Variants in PTPRD observed in about 807,000 individuals in gnomAD.
The protein encoded by PTPRD is protein tyrosine phosphatase receptor type D, also known as receptor-type tyrosine-protein phosphatase delta.
A neutral mutation model predicts 214.5 loss-of-function variants in PTPRD; 34 were observed. The ratio of observed to expected loss-of-function variants is 0.16; its 90% confidence interval spans 0.12 to 0.21. PTPRD has a LOEUF of 0.21. PTPRD is among the 10% of genes least tolerant of loss of function. The pLI is 1.00. For synonymous variants in PTPRD, 1,128 were observed against 845.7 expected, an observed-to-expected ratio of 1.33 and a Z score of -5.79; for missense variants, 2,545 against 2,398.7, an observed-to-expected ratio of 1.06 and a Z score of -1.27.
chr9:10,044,119 T>C (rs184081119), intron 3 of PTPRD, among the ~76,000 whole-genome samples: 6 of 151,766 alleles, frequency 4.0e-5, no homozygotes, highest in African/African-American at 7.2e-5. Flanking sequence ...ACCCTGGCCA[T>C]CTACTGTTGA....
At chr9:9,266,108 G>A (rs539143221) in intron 9 of PTPRD, among the ~76,000 whole-genome samples, 8 of 151,450 alleles carry the variant, frequency 5.3e-5, no homozygotes, top group African/African-American at 1.9e-4. Flanking sequence ...AGACAAAATA[G>A]ACTTTAAGTC....
chr9:10,445,173 G>C (rs139551433), intron 2 of PTPRD, among the ~76,000 whole-genome samples: 1 of 151,992 alleles, frequency 6.6e-6, no homozygotes, highest in East Asian at 1.9e-4. Flanking sequence ...AAAAAATCTT[G>C]CACTTACAGG....
intron 7 of PTPRD, among the ~76,000 whole-genome samples, chr9:9,665,462 A>G (rs1451453982): frequency 6.6e-6 from 1 of 151,762 alleles, no homozygotes; most frequent in Non-Finnish European, 1.5e-5. Flanking sequence ...GAAAACTAAA[A>G]TTTATTAGAT....
intron 8 of PTPRD, among the ~76,000 whole-genome samples, chr9:9,404,369 G>C (rs2072323256): frequency 6.6e-6 from 1 of 152,108 alleles, no homozygotes; most frequent in Non-Finnish European, 1.5e-5. Context: ...TGTAGCTGGA[G>C]ATGGAGAAAA....
intron 9 of PTPRD, among the ~76,000 whole-genome samples, chr9:9,217,527 G>T (rs776819551): frequency 1.3e-5 from 2 of 152,042 alleles, no homozygotes; most frequent in Non-Finnish European, 2.9e-5. Flanking sequence ...TCTCATCTGG[G>T]AGTATATTGG....
At chr9:8,498,541 G>A (rs969952664) in intron 25 of PTPRD, among the ~76,000 whole-genome samples, 3 of 152,180 alleles carry the variant, frequency 2.0e-5, no homozygotes, top group African/African-American at 7.2e-5. Flanking sequence ...AGACGAGAAC[G>A]TAGAACTGGG....
chr9:9,281,478 A>G (rs1379500841), intron 9 of PTPRD, among the ~76,000 whole-genome samples: 2 of 151,394 alleles, frequency 1.3e-5, no homozygotes, highest in African/African-American at 4.8e-5. Context: ...GAAGATAGCT[A>G]ATAGATATAT....
chr9:8,822,328 A>T (rs2097086498), intron 11 of PTPRD, among the ~76,000 whole-genome samples: 1 of 151,984 alleles, frequency 6.6e-6, no homozygotes, highest in South Asian at 2.1e-4. Context: ...CTATCAAAGC[A>T]AACTCAGATA....
At chr9:8,541,672 G>A (rs1356781098) in intron 14 of PTPRD, among the ~76,000 whole-genome samples, 1 of 151,700 alleles carries the variant, frequency 6.6e-6, no homozygotes, top group Non-Finnish European at 1.5e-5. Flanking sequence ...CAGCCTTTGT[G>A]TTTGTTTGTG....
intron 10 of PTPRD, among the ~76,000 whole-genome samples, chr9:9,174,921 T>G (rs1479017466): frequency 6.6e-6 from 1 of 152,106 alleles, no homozygotes; most frequent in Non-Finnish European, 1.5e-5. Flanking sequence ...AATTATGAAG[T>G]GGGGCCATTG....
intron 8 of PTPRD, among the ~76,000 whole-genome samples, chr9:9,402,990 C>CAAAAAAAAAAA (rs1569568021): frequency 1.8e-4 from 17 of 92,902 alleles, no homozygotes; most frequent in Non-Finnish European, 2.1e-4. Flanking sequence ...AAAAAAAAAA[C>CAAAAAAAAAAA]ACCAAAAAAA....
At chr9:10,161,634 G>C (rs1329294414) in intron 3 of PTPRD, among the ~76,000 whole-genome samples, 2 of 151,762 alleles carry the variant, frequency 1.3e-5, no homozygotes, top group Non-Finnish European at 3.0e-5. Context: ...GCAATGGTTT[G>C]GGCAAAGAAT....
chr9:8,340,589 G>T, intron 41 of PTPRD, 120 bp from the exon 42 acceptor site: 1 of 988,144 alleles, frequency 1.0e-6, no homozygotes, highest in Non-Finnish European at 1.4e-6. Context: ...TAATGCAATT[G>T]AGGTAAATTC....
intron 6 of PTPRD, among the ~76,000 whole-genome samples, chr9:9,745,706 C>T (rs1474995041): frequency 6.6e-6 from 1 of 152,112 alleles, no homozygotes; most frequent in Admixed American, 6.6e-5. Context: ...GACTCTAGCC[C>T]TTTGCCTACC....
At chr9:9,139,627 T>C (rs551622011) in intron 10 of PTPRD, among the ~76,000 whole-genome samples, 1 of 152,234 alleles carries the variant, frequency 6.6e-6, no homozygotes, top group East Asian at 1.9e-4. Context: ...TGGATTCATG[T>C]CCTGGGTGGG....
At chr9:9,394,799 C>T (rs1001489283) in intron 9 of PTPRD, among the ~76,000 whole-genome samples, 1 of 151,960 alleles carries the variant, frequency 6.6e-6, no homozygotes, top group African/African-American at 2.4e-5. Context: ...CAATGGCTTC[C>T]AAGCTCCATT....
intron 3 of PTPRD, among the ~76,000 whole-genome samples, chr9:10,243,444 T>TA (rs1467545057): frequency 1.3e-5 from 2 of 152,018 alleles, no homozygotes; most frequent in African/African-American, 4.8e-5. Context: ...AGTCAAAACT[T>TA]ACATTTCTAT....
At chr9:9,495,645 C>T (rs1047302133) in intron 8 of PTPRD, among the ~76,000 whole-genome samples, 7 of 152,024 alleles carry the variant, frequency 4.6e-5, no homozygotes, top group African/African-American at 1.4e-4. Flanking sequence ...ATCCCCGCCC[C>T]GACTCCCCTC....
chr9:9,439,138 T>C (rs1290716446), intron 8 of PTPRD, among the ~76,000 whole-genome samples: 1 of 152,152 alleles, frequency 6.6e-6, no homozygotes, highest in East Asian at 1.9e-4. Context: ...ATATGGCTTA[T>C]ATGACTCCAG....
Sources: gnomAD v4.1 joint callset for allele counts (sites outside exome capture counted in the v4.1 genomes callset) on GRCh38, gnomAD v4.1.1 for gene constraint, MANE v1.5 for transcripts, NCBI Gene and HGNC (gene_info 2026-07-23, HGNC 2026-07-21) for gene names.